The following ATG2A variants were observed in gnomAD, a reference collection of about 807,000 sequenced individuals.
The protein encoded by ATG2A is autophagy-related protein 2 homolog A.
In ATG2A, 103 loss-of-function variants were observed where a neutral mutation model predicts 214.2. The observed-to-expected ratio is 0.48, with a 90% CI of 0.41 to 0.57. The LOEUF (loss-of-function observed/expected upper bound fraction) is 0.57. Ranked by LOEUF, ATG2A falls within the 20% of genes least tolerant of loss-of-function variation. The pLI, the probability that ATG2A is intolerant of heterozygous loss-of-function variation, is 0.00. For missense variants in ATG2A, 2,312 were observed against 2,613.2 expected (o/e 0.88, Z 2.51); for synonymous variants, 1,160 against 1,142.1 (o/e 1.02, Z -0.32).
At chr11:64,905,438 C>A (rs956349025) in intron 24 of ATG2A, 125 bp downstream of exon 24, 2 of 1,090,330 alleles carry the variant, frequency 1.8e-6, no homozygotes, top group Admixed American at 4.1e-5. Context: ...AAACAATCCA[C>A]ATTCCTGAGA....
At chr11:64,911,757 C>T in intron 9 of ATG2A, 85 bp downstream of exon 9, 1 of 1,555,386 alleles carries the variant, frequency 6.4e-7, no homozygotes, top group Non-Finnish European at 8.7e-7. Context: ...CTGGGGATTT[C>T]CTGTGTGCCT....
intron 6 of ATG2A, 97 bp from the exon 7 acceptor site, chr11:64,912,520 T>C: frequency 2.8e-6 from 3 of 1,055,618 alleles, no homozygotes; most frequent in Non-Finnish European, 4.0e-6. Flanking sequence ...AGCAGGATGC[T>C]GGCTACCAAA....
chr11:64,916,941 C>T, intron 1 of ATG2A, 24 bp downstream of exon 1: 2 of 1,611,564 alleles, frequency 1.2e-6, no homozygotes, highest in South Asian at 2.2e-5. Context: ...CCGCACCTTC[C>T]TGGACTCGGG....
Position 64,895,054 on chromosome 11 carries a change from G to C in ATG2A, c.5736C>G (p.Leu1912=), listed in dbSNP as rs188923974. 6 of 1,613,274 alleles carry C rather than the reference G, an allele frequency of 3.7e-6. No individual in the cohort carries two copies. The African/African-American group carries it at 8.0e-5, about 21-fold the overall frequency. ...GGACAATCTGGTTGCGCATGCCCCC[G>C]AGCAGGCTGGACGTGGCCTCCGTGG... ...ILATEATSSL[L]GGMRNQIVPD... The change falls in exon 41 of 41, where the codon CTC becomes CTG. Residue 1912 remains leucine, a synonymous_variant. Transcript: ENST00000377264. The surrounding 1 kb of genome is among the most constrained non-coding windows in gnomAD (Gnocchi z 5.0).
At position 64,907,795 on chromosome 11, in the gene ATG2A, G is replaced by A. The variant is rs1438354231; in HGVS notation, c.2460C>T (p.Val820=). The change falls in exon 17 of 41, where the codon GTC becomes GTT. Residue 820 remains valine, a synonymous_variant. Transcript: ENST00000377264. The part of the protein sequence containing the change: ...RCSLEVILPS[V]HIFLPSKEVY... Reference sequence around the variant, plus strand: ...CCTCCTTGCTGGGCAGAAAGATGTGGACACTGGGCAGGATCACTTCCAGGC... The same window carrying A: ...CCTCCTTGCTGGGCAGAAAGATGTGAACACTGGGCAGGATCACTTCCAGGC... 1 of 1,613,574 alleles carries A rather than the reference G, an allele frequency of 6.2e-7. No individual in the cohort carries two copies. The highest frequency in any genetic ancestry group is 8.5e-7 in the Non-Finnish European group (1 of 1,179,994).
chr11:64,902,577 C>T lies in ATG2A; in HGVS notation c.3716G>A (p.Ser1239Asn), dbSNP rs745330006. Residue 1239 changes from serine to asparagine, a missense_variant, in exon 27 of 41, where the codon AGC (serine) becomes AAC (asparagine). Physicochemically the swap from Ser to Asn is conservative, Grantham distance 46 (BLOSUM62 1). Transcript: ENST00000377264. ...LLVNLLQYVM[S>N]TGDLHPPPRP... ...GGGTGGGGGGTGCAGATCGCCTGTG[C>T]TCATTACGTACTGGAGCAGGTTGAC... The T allele has an allele frequency of 1.2e-6, 2 of 1,601,106 alleles. No homozygotes were observed. The highest frequency in any genetic ancestry group is 4.5e-5 in the East Asian group (2 of 44,358).
chr11:64,904,115 G>A (rs1049230180), intron 24 of ATG2A, among the ~76,000 whole-genome samples: 2 of 151,906 alleles, frequency 1.3e-5, no homozygotes, highest in African/African-American at 4.8e-5. Context: ...GCATGGTGGC[G>A]GGTGCCTGTA....
chr11:64,902,935 C>T (rs1437955166), intron 26 of ATG2A, among the ~76,000 whole-genome samples: 1 of 151,842 alleles, frequency 6.6e-6, no homozygotes, highest in Non-Finnish European at 1.5e-5. Flanking sequence ...ACCCCACTCC[C>T]CGTGAAGGGC....
intron 6 of ATG2A, chr11:64,912,665 C>T: frequency 2.0e-6 from 1 of 500,314 alleles, no homozygotes; most frequent in Non-Finnish European, 3.5e-6. Context: ...GCAATCTTGG[C>T]TCACTGCAAC....
intron 7 of ATG2A, 39 bp from the exon 8 acceptor site, chr11:64,912,288 T>TGCCCCC: frequency 4.1e-6 from 6 of 1,471,208 alleles, no homozygotes; most frequent in Non-Finnish European, 5.6e-6. Flanking sequence ...TGGCTGGCCC[T>TGCCCCC]CCCAGCCACC....
chr11:64,911,815 G>C (rs1199231088), intron 9 of ATG2A, 27 bp downstream of exon 9: 1 of 1,611,634 alleles, frequency 6.2e-7, no homozygotes, highest in East Asian at 2.2e-5. Context: ...CCTGTCCCTG[G>C]AGTACCCCCA....
rs146480656 is a variant in ATG2A at position 64,898,345 on chromosome 11, C to T, written c.4689G>A (p.Leu1563=). 1.2e-6 allele frequency: 2 copies of T among 1,606,248 alleles called. No homozygotes were observed. The highest frequency in any genetic ancestry group is 1.7e-6 in the Non-Finnish European group (2 of 1,177,460). ...CCAGGTTGGTAGTGGGGGCCACATG[C>T]AGCGCTTTGATGGTGAGCTGGGAGC... ...AHSNMLTIKA[L]HVAPTTNLGG... Residue 1563 remains leucine, a synonymous_variant, in exon 33 of 41, where the codon CTG becomes CTA. Transcript: ENST00000377264. The surrounding 1 kb of genome is among the most constrained non-coding windows in gnomAD (Gnocchi z 4.5).
Position 64,897,740 on chromosome 11 carries a change from C to G in ATG2A, c.4998G>C (p.Glu1666Asp). The G allele has an allele frequency of 2.5e-6, 4 of 1,614,256 alleles. No individual in the cohort carries two copies. The highest frequency in any genetic ancestry group is 3.4e-6 in the Non-Finnish European group (4 of 1,180,034). ...TGGGGACCTCAGACGTGAAGCGGAA[C>G]TCTCTGGGTAGGGGAGCAGGAAGAG... The part of the protein sequence containing the change: ...PPDQQPIYFR[E>D]FRFTSEVPIW... The change falls in exon 36 of 41, where the codon GAG becomes GAC. Residue 1666 changes from glutamate to aspartate, a missense_variant. Coordinates refer to ENST00000377264, the MANE Select transcript of ATG2A (RefSeq NM_015104.3).
intron 7 of ATG2A, 35 bp from the exon 8 acceptor site, chr11:64,912,284 G>GCCCGGCCCCC: frequency 6.2e-6 from 10 of 1,602,138 alleles, no homozygotes; most frequent in East Asian, 2.2e-5. Flanking sequence ...GGGCTGGCTG[G>GCCCGGCCCCC]CCCTCCCAGC....
At chr11:64,912,292 AGC>A (rs753339977) in intron 7 of ATG2A, 33 bp downstream of exon 7, 1 of 579,286 alleles carries the variant, frequency 1.7e-6, no homozygotes, top group East Asian at 4.9e-5. Context: ...TGGCCCTCCC[AGC>A]CACCCCACCC....
Position 64,906,132 on chromosome 11 carries a change from T to C in ATG2A, c.3245A>G (p.Glu1082Gly). The C allele has an allele frequency of 6.3e-7, 1 of 1,590,614 alleles. No individual in the cohort carries two copies. The highest frequency in any genetic ancestry group is 8.6e-7 in the Non-Finnish European group (1 of 1,168,606). The change falls in exon 22 of 41, where the codon GAG (glutamate) becomes GGG (glycine). Residue 1082 changes from glutamate to glycine, a missense_variant. Glu to Gly is a moderately conservative substitution (Grantham distance 98). Coordinates refer to ENST00000377264, the MANE Select transcript of ATG2A (RefSeq NM_015104.3). The stretch of plus-strand genomic sequence containing the variant: ...GCTCACCTGGGAATGCCAGCTCTGC[T>C]CGGGCAGGGCCATGTAGTGGCGCAA... ...ATLRHYMALPEQSWHSQLLEF... is the reference protein window; with the variant it reads ...ATLRHYMALPGQSWHSQLLEF...
chr11:64,896,126 C>G (rs1028860103), intron 39 of ATG2A, among the ~76,000 whole-genome samples: 1 of 152,230 alleles, frequency 6.6e-6, no homozygotes, highest in Non-Finnish European at 1.5e-5. Context: ...CCTGAATGAA[C>G]CAGGGCAGCC....
In ATG2A at chr11:64,901,080, C is replaced by A; in HGVS notation, c.4132G>T (p.Glu1378Ter). ...PGLGIPPRDG[E>*]PVVTQLHPGP... ...GGATGCAGCTGTGTCACCACAGGCT[C>A]CCCATCTCGGGGCTGCAGGGAGGCC... The change falls in exon 30 of 41, where the codon GAG (glutamate) becomes TAG (stop). Residue 1378 changes from glutamate (E) to a stop codon, truncating the protein, a stop_gained. Transcript: ENST00000377264. LOFTEE classifies it high-confidence loss of function. 6.4e-7 allele frequency: 1 copy of A among 1,567,878 alleles called. No individual in the cohort carries two copies. Among genetic ancestry groups the A allele is most frequent in the Admixed American group, 1.9e-5 (1 of 53,814 alleles).
chr11:64,908,215 C>A (rs568173067), intron 16 of ATG2A, among the ~76,000 whole-genome samples: 21 of 152,102 alleles, frequency 1.4e-4, no homozygotes, highest in Non-Finnish European at 2.6e-4. Flanking sequence ...GTCAGGAGTT[C>A]GAGACCAGCC....
Sources: allele counts gnomAD v4.1 joint callset (sites outside exome capture counted in the v4.1 genomes callset), GRCh38; gene constraint gnomAD v4.1.1; non-coding constraint Gnocchi (gnomAD v3.1); transcripts MANE v1.5; gene names NCBI Gene and HGNC (gene_info 2026-07-23, HGNC 2026-07-21).